SLC9A6: variants seen among roughly 807,000 people sequenced by gnomAD.
The protein encoded by SLC9A6 is solute carrier family 9 member A6, also known as sodium/hydrogen exchanger 6.
Under a neutral mutation model 45.3 loss-of-function variants are expected in SLC9A6, and 6 were observed. The observed-to-expected ratio is 0.13, with a 90% CI of 0.07 to 0.26. The LOEUF is 0.26. Among genes scored for constraint, SLC9A6 ranks in the 10% least tolerant of loss-of-function variants. The pLI is 1.00. For synonymous variants in SLC9A6, 191 were observed against 187.7 expected (o/e 1.02, Z -0.14); for missense variants, 278 against 503.7 (o/e 0.55, Z 4.29).
At chrX:135,990,358 C>G (rs1291962540) in intron 2 of SLC9A6, among the ~76,000 whole-genome samples, 1 of 111,692 alleles carries the variant, frequency 9.0e-6, no homozygotes, top group Non-Finnish European at 1.9e-5. Context: ...GTGCCTCCCT[C>G]TATGTAGGAG....
chrX:135,975,620 T>C (rs782805108), intron 1 of SLC9A6, among the ~76,000 whole-genome samples: 5 of 112,546 alleles, frequency 4.4e-5, no homozygotes, highest in South Asian at 7.3e-4. Context: ...TAAGTGCTTG[T>C]TGAATGACAA....
chrX:136,028,534 T>C (rs912774771), intron 13 of SLC9A6, among the ~76,000 whole-genome samples: 1 of 112,590 alleles, frequency 8.9e-6, no homozygotes, highest in Non-Finnish European at 1.9e-5. Context: ...CTTCTAATAA[T>C]GTACCATCTA....
chrX:136,005,638 G>C (rs1265918621), intron 7 of SLC9A6, among the ~76,000 whole-genome samples: 1 of 106,365 alleles, frequency 9.4e-6, no homozygotes, highest in East Asian at 2.9e-4. Context: ...CTGAGATCTC[G>C]GCACTGCCCT....
upstream of SLC9A6, among the ~76,000 whole-genome samples, chrX:135,981,190 A>T (rs782077611): frequency 8.9e-6 from 1 of 111,915 alleles, no homozygotes; most frequent in Non-Finnish European, 1.9e-5. Flanking sequence ...TACAGGAAGC[A>T]TGACTTGGGG....
intron 17 of SLC9A6, among the ~76,000 whole-genome samples, chrX:136,041,978 T>C (rs899652149): frequency 2.8e-4 from 31 of 110,574 alleles, no homozygotes; most frequent in African/African-American, 9.2e-4. Context: ...TCTACCTGTG[T>C]GCATGCCTAC....
Position 135,994,780 on chromosome X carries a change from T to A in SLC9A6, c.170-6T>A. The A allele has an allele frequency of 1.7e-6, 2 of 1,210,364 alleles. No individual in the cohort carries two copies. Among genetic ancestry groups the A allele is most frequent in the Non-Finnish European group, 2.2e-6 (2 of 894,135 alleles). On this transcript the variant is annotated splice_polypyrimidine_tract_variant and splice_region_variant and intron_variant, in intron 2 of 17. Coordinates refer to ENST00000630721, the MANE Select transcript of SLC9A6 (RefSeq NM_001379110.1). ...CAAGAAGAGCTTATGTTGTTCTTTT[T>A]TCCAGGTCTTTTGGTGGGCCTTGTG...
chrX:136,013,321 G>A, intron 9 of SLC9A6, 28 bp from the exon 10 acceptor site: 1 of 1,123,317 alleles, frequency 8.9e-7, no homozygotes, highest in Non-Finnish European at 1.2e-6. Context: ...ATCCTTTTAT[G>A]TGAACTTGGA....
intron 13 of SLC9A6, among the ~76,000 whole-genome samples, chrX:136,026,300 C>T (rs892667586): frequency 7.2e-5 from 8 of 111,639 alleles, no homozygotes; most frequent in African/African-American, 1.3e-4. Flanking sequence ...AGTTCTTGCC[C>T]CTTCACTGAT....
chrX:136,021,158 ACT>A (rs1161296519), intron 11 of SLC9A6, among the ~76,000 whole-genome samples: 15 of 110,970 alleles, frequency 1.4e-4, no homozygotes, highest in Non-Finnish European at 3.8e-5. Flanking sequence ...ATATATACTA[ACT>A]CATATATACA....
rs1283363211 is a variant in SLC9A6, at chrX:136,016,599, T to C, written c.1081-46T>C. ...CTTAGTAATACTCATGCTTTCAAAT[T>C]ATGTAACTTTATTTGCTGGACTAAT... is the stretch of plus-strand genomic sequence containing the variant. On this transcript the variant is annotated intron_variant, in intron 10 of 17. Transcript: ENST00000630721. The C allele has an allele frequency of 5.7e-6, 4 of 700,129 alleles. No homozygotes were observed. The African/African-American group carries it at 8.5e-5, about 15-fold the overall frequency. The allele number at this position is 700,129 out of a possible 1,213,427, so 57.7% of individuals were successfully genotyped here.
At chrX:136,041,976 T>A (rs782809931) in intron 17 of SLC9A6, among the ~76,000 whole-genome samples, 1 of 110,679 alleles carries the variant, frequency 9.0e-6, no homozygotes, top group African/African-American at 3.3e-5. Flanking sequence ...GTTCTACCTG[T>A]GTGCATGCCT....
chrX:136,030,245 A>G, intron 15 of SLC9A6, 83 bp downstream of exon 15: 1 of 929,980 alleles, frequency 1.1e-6, no homozygotes, highest in East Asian at 3.1e-5. Context: ...ATAAACTTCA[A>G]CCTTCTATTT....
At position 136,038,505 on chromosome X, in the gene SLC9A6, T is replaced by C. The variant is rs181406133; in HGVS notation, c.1662-1571T>C. Among the ~76,000 whole-genome samples, 3 of 111,923 alleles carry C rather than the reference T, an allele frequency of 2.7e-5. No homozygotes were observed. The East Asian group carries it at 8.3e-4, about 31-fold the overall frequency. On this transcript the variant is annotated intron_variant, in intron 16 of 17. Coordinates refer to ENST00000630721, the MANE Select transcript of SLC9A6 (RefSeq NM_001379110.1). ...AACAATATTGGCTTGTGATTTTTTCTTATAGTGTCCTTGTCAGGTTTCTAT... is the reference window on the plus strand; with the variant it reads ...AACAATATTGGCTTGTGATTTTTTCCTATAGTGTCCTTGTCAGGTTTCTAT...
intron 3 of SLC9A6, among the ~76,000 whole-genome samples, chrX:135,997,598 G>A (rs1214409862): frequency 9.4e-6 from 1 of 106,276 alleles, no homozygotes; most frequent in African/African-American, 3.5e-5. Flanking sequence ...AGTAGAGTTG[G>A]GGCTTCACCA....
Position 136,030,159 on chromosome X carries a change from C to T in SLC9A6, c.1578C>T (p.His526=), listed in dbSNP as rs782430960. The T allele has an allele frequency of 8.3e-7, 1 of 1,209,613 alleles. No homozygotes were observed. The highest frequency in any genetic ancestry group is 1.1e-6 in the Non-Finnish European group (1 of 893,398). The part of the protein sequence containing the change: ...DRVGVDSDQE[H]LGVPENERRT... ...TTGGTGTTGATTCAGACCAAGAACA[C>T]TTGGTAAATATGCGTTTTTGTTGTT... Residue 526 remains histidine (H), a synonymous_variant, in exon 15 of 18, where the codon CAC becomes CAT. Transcript: ENST00000630721.
intron 2 of SLC9A6, among the ~76,000 whole-genome samples, chrX:135,988,331 A>G (rs934105550): frequency 2.7e-5 from 3 of 111,667 alleles, no homozygotes; most frequent in African/African-American, 9.8e-5. Flanking sequence ...ATTGTGGGCA[A>G]TGGGTGCTGT....
intron 1 of SLC9A6, among the ~76,000 whole-genome samples, chrX:135,976,619 A>T (rs1556613380): frequency 9.0e-6 from 1 of 111,550 alleles, no homozygotes; most frequent in African/African-American, 3.3e-5. Flanking sequence ...AAAAAAAGAA[A>T]AAAGAAAAAA....
intron 10 of SLC9A6, among the ~76,000 whole-genome samples, chrX:136,013,661 T>C (rs1202849566): frequency 2.7e-5 from 3 of 111,913 alleles, no homozygotes; most frequent in Non-Finnish European, 5.6e-5. Flanking sequence ...CTGTTACTAT[T>C]GTGGCTTCAA....
In SLC9A6 at chrX:135,985,439, C is replaced by T. The variant is rs1259511574; in HGVS notation, c.-95C>T. The T allele has an allele frequency of 9.6e-6, 8 of 833,926 alleles. No homozygotes were observed. Among genetic ancestry groups the T allele is most frequent in the Non-Finnish European group, 1.2e-5 (8 of 643,640 alleles). 68.7% of individuals were successfully genotyped at this position (833,926 alleles called of 1,213,427 possible). The stretch of plus-strand genomic sequence containing the variant: ...CGGGCCCCGCCCCTTTCCCGTGAGC[C>T]CTCGGGGAGTGGTCCGACCGCGGGC... On this transcript the variant is annotated 5_prime_UTR_variant, in exon 1 of 18. Coordinates refer to ENST00000630721, the MANE Select transcript of SLC9A6 (RefSeq NM_001379110.1).
Sources: allele counts gnomAD v4.1 joint callset (sites outside exome capture counted in the v4.1 genomes callset), GRCh38; gene constraint gnomAD v4.1.1; transcripts MANE v1.5; gene names NCBI Gene and HGNC (gene_info 2026-07-23, HGNC 2026-07-21).